Variants in PHACTR4 observed in about 807,000 individuals in gnomAD.
PHACTR4 encodes protein phosphatase 1, regulatory subunit 124.
In PHACTR4, 51 loss-of-function variants were observed where a neutral mutation model predicts 72.7. The observed-to-expected ratio is 0.70, with a 90% CI of 0.56 to 0.89. PHACTR4 has a LOEUF of 0.89. Among genes scored for constraint, PHACTR4 ranks in the 40% least tolerant of loss-of-function variants. The probability of loss-of-function intolerance (pLI) is 0.00; values close to 1 mark genes in which losing one functional copy is unlikely to be tolerated. For missense variants in PHACTR4, 731 were observed against 861.8 expected, an observed-to-expected ratio of 0.85 and a Z score of 1.90; for synonymous variants, 255 against 302.5, an observed-to-expected ratio of 0.84 and a Z score of 1.63.
intron 2 of PHACTR4, among the ~76,000 whole-genome samples, chr1:28,426,947 T>C (rs528768044): frequency 2.8e-4 from 42 of 152,168 alleles, no homozygotes; most frequent in Non-Finnish European, 3.8e-4. Context: ...TCTGCCACTC[T>C]CCCATGTGTA....
chr1:28,422,467 T>A (rs1277430857), intron 2 of PHACTR4: 1 of 152,184 alleles, frequency 6.6e-6, no homozygotes, highest in African/African-American at 2.4e-5. Flanking sequence ...ATCCATGGAT[T>A]TTGGTGTCCA....
At chr1:28,490,768 G>T (rs1322801184) in intron 10 of PHACTR4, among the ~76,000 whole-genome samples, 183 bp from the exon 11 acceptor site, 1 of 151,718 alleles carries the variant, frequency 6.6e-6, no homozygotes, top group Admixed American at 6.6e-5. Flanking sequence ...GCTTGAACTC[G>T]GGAGGCCGAG....
At chr1:28,420,150 A>G (rs1232642839) in intron 2 of PHACTR4, among the ~76,000 whole-genome samples, 1 of 152,150 alleles carries the variant, frequency 6.6e-6, no homozygotes, top group Non-Finnish European at 1.5e-5. Context: ...GCCACTCAGG[A>G]GGCTGGGAGA....
intron 2 of PHACTR4, among the ~76,000 whole-genome samples, chr1:28,418,684 G>A (rs1423668034): frequency 6.6e-6 from 1 of 152,020 alleles, no homozygotes; most frequent in Non-Finnish European, 1.5e-5. Flanking sequence ...AGGTGCAATG[G>A]CTCACACCTG....
At chr1:28,463,195 GT>G (rs889476599) in intron 4 of PHACTR4, among the ~76,000 whole-genome samples, 6 of 147,018 alleles carry the variant, frequency 4.1e-5, no homozygotes, top group East Asian at 2.0e-4. Context: ...GTGAGACCCT[GT>G]TTTTTTTTTT....
At chr1:28,430,973 C>T (rs567831330) in intron 2 of PHACTR4, among the ~76,000 whole-genome samples, 9 of 151,136 alleles carry the variant, frequency 6.0e-5, no homozygotes, top group African/African-American at 1.9e-4. Flanking sequence ...GTCGGGAGAT[C>T]GAGACCATCT....
intron 13 of PHACTR4, among the ~76,000 whole-genome samples, chr1:28,495,587 A>AG (rs1213221747): frequency 6.6e-6 from 1 of 151,686 alleles, no homozygotes; most frequent in Non-Finnish European, 1.5e-5. Flanking sequence ...GTGGACCTTT[A>AG]GGGGGGATTT....
chr1:28,434,434 G>A (rs538868020), intron 2 of PHACTR4, among the ~76,000 whole-genome samples: 1 of 151,542 alleles, frequency 6.6e-6, no homozygotes, highest in Non-Finnish European at 1.5e-5. Flanking sequence ...TGATTCTCCT[G>A]CCACAGCCTC....
In PHACTR4 at chr1:28,484,609, C is replaced by CAT. The variant is rs760914325; in HGVS notation, c.1760+4016_1760+4017dup. On this transcript the variant is annotated intron_variant, in intron 9 of 13. Transcript: ENST00000373839. ...ATGTGTACGTGTGTGTATATATGTC[C>CAT]ATATATATATATGGATTTGATGGCC... Among the ~76,000 whole-genome samples the CAT allele has an allele frequency of 7.0e-4, 104 of 147,844 alleles. 1 individual carries two copies. The highest frequency in any genetic ancestry group is 1.2e-3 in the Non-Finnish European group (83 of 67,226).
rs530919148 is a variant in PHACTR4 at position 28,453,855 on chromosome 1, A to G, written c.17-5230A>G. 249 of 881,572 alleles carry G rather than the reference A, an allele frequency of 2.8e-4. No homozygotes were observed. In the African/African-American group the frequency reaches 3.7e-3, roughly 13 times the overall value. 54.6% of individuals were successfully genotyped at this position (881,572 alleles called of 1,614,324 possible). On this transcript the variant is annotated intron_variant, in intron 2 of 13. Coordinates refer to ENST00000373839, the MANE Select transcript of PHACTR4 (RefSeq NM_001048183.3). ...AGGCTTTTGAAGCTGTGGACAAAGC[A>G]TAAAAGTTGCTACTGGATCAGGACC...
intron 2 of PHACTR4, among the ~76,000 whole-genome samples, chr1:28,458,108 TTGTGTGTGTGTGTGTGTGTGTG>T (rs539564108): frequency 1.7e-5 from 2 of 120,292 alleles, no homozygotes; most frequent in Non-Finnish European, 3.3e-5. Flanking sequence ...GTGTGTGTGT[TTGTGTGTGTGTGTGTGTGTGTG>T]TGTGTGTGTG....
At chr1:28,490,434 A>C (rs1660957897) in intron 10 of PHACTR4, among the ~76,000 whole-genome samples, 1 of 151,882 alleles carries the variant, frequency 6.6e-6, no homozygotes, top group Admixed American at 6.6e-5. Flanking sequence ...CGGGAGGCTG[A>C]GGCAGGAGAA....
intron 10 of PHACTR4, chr1:28,489,931 G>A (rs1177023695): frequency 7.7e-6 from 4 of 517,638 alleles, no homozygotes; most frequent in Non-Finnish European, 1.5e-5. Context: ...ATTTTCTAGT[G>A]TGGGAGCCCT....
At chr1:28,405,292 T>C (rs1404603240) in intron 1 of PHACTR4, among the ~76,000 whole-genome samples, 1 of 152,148 alleles carries the variant, frequency 6.6e-6, no homozygotes, top group African/African-American at 2.4e-5. Context: ...TATCACTTTT[T>C]TGATGGTGTC....
chr1:28,464,537 G>T (rs751937039), intron 4 of PHACTR4, among the ~76,000 whole-genome samples: 1 of 152,112 alleles, frequency 6.6e-6, no homozygotes, highest in Non-Finnish European at 1.5e-5. Flanking sequence ...AACATAGCAA[G>T]ACCATCTCAA....
chr1:28,460,414 CT>C, intron 4 of PHACTR4, 122 bp downstream of exon 4: 9 of 666,586 alleles, frequency 1.4e-5, no homozygotes, highest in Admixed American at 3.2e-5. Context: ...GGAGGGTGGC[CT>C]TTAAAAAAAA....
intron 1 of PHACTR4, among the ~76,000 whole-genome samples, chr1:28,405,766 C>G (rs1182945908): frequency 6.6e-6 from 1 of 151,816 alleles, no homozygotes; most frequent in Admixed American, 6.6e-5. Context: ...TGGCAGGTGC[C>G]TGTAATCCCA....
chr1:28,426,874 T>G (rs576270340), intron 2 of PHACTR4, among the ~76,000 whole-genome samples: 25 of 152,292 alleles, frequency 1.6e-4, no homozygotes, highest in African/African-American at 5.8e-4. Context: ...GAGTGGGCTT[T>G]AAAAATCCTT....
chr1:28,424,189 TA>T (rs1222816979), intron 2 of PHACTR4, among the ~76,000 whole-genome samples: 57 of 152,108 alleles, frequency 3.7e-4, no homozygotes, highest in Admixed American at 1.2e-3. Flanking sequence ...ATTAATTAAT[TA>T]TTTTTTTATT....
Sources: gnomAD v4.1 joint callset for allele counts (sites outside exome capture counted in the v4.1 genomes callset) on GRCh38, gnomAD v4.1.1 for gene constraint, MANE v1.5 for transcripts, NCBI Gene and HGNC (gene_info 2026-07-23, HGNC 2026-07-21) for gene names.